SHISA5: variants seen among roughly 807,000 people sequenced by gnomAD.
The protein encoded by SHISA5 is protein shisa-5.
Under a neutral mutation model 27.5 loss-of-function variants are expected in SHISA5, and 21 were observed. That is an observed-to-expected ratio of 0.76 (90% CI 0.54 to 1.10). SHISA5 has a LOEUF of 1.10. Ranked by LOEUF, SHISA5 falls within the 50% of genes least tolerant of loss-of-function variation. The pLI is 0.00. For synonymous variants in SHISA5, 137 were observed against 142.2 expected (o/e 0.96, Z 0.26); for missense variants, 314 against 336.3 (o/e 0.93, Z 0.52).
At chr3:48,481,242 C>T (rs979577768) in intron 2 of SHISA5, among the ~76,000 whole-genome samples, 1 of 151,616 alleles carries the variant, frequency 6.6e-6, no homozygotes, top group Non-Finnish European at 1.5e-5. Flanking sequence ...AGTACAAGAC[C>T]AGCCTGGCCA....
chr3:48,504,000 GC>G lies in SHISA5; in HGVS notation c.76+18del. ...GCCCGGTCCCAGGGCAGGACGGGCC[GC>G]CCCCACCCCCGGCTCACCACCCGGA... On this transcript the variant is annotated intron_variant, in intron 1 of 5. Coordinates refer to ENST00000296444, the MANE Select transcript of SHISA5 (RefSeq NM_016479.6). The G allele has an allele frequency of 1.4e-6, 2 of 1,459,198 alleles. No homozygotes were observed. 90.4% of individuals were successfully genotyped at this position (1,459,198 alleles called of 1,614,324 possible). A position where few individuals can be genotyped will look rare whatever the true frequency, so the allele number is the denominator to read the frequency against.
Position 48,469,007 on chromosome 3 carries a change from GACAC to G in SHISA5, c.*96_*99del, listed in dbSNP as rs751805693. 5 of 1,585,852 alleles carry G rather than the reference GACAC, an allele frequency of 3.2e-6. No homozygotes were observed. The highest frequency in any genetic ancestry group is 2.2e-5 in the East Asian group (1 of 44,824). ...CATGGGGCGTAAGGAACCGTGCCTG[GACAC>G]ACACAGCACACATGGGGCGTAAGGA... On this transcript the variant is annotated 3_prime_UTR_variant, in exon 6 of 6. Coordinates refer to ENST00000296444, the MANE Select transcript of SHISA5 (RefSeq NM_016479.6). The surrounding 1 kb of genome is among the most constrained non-coding windows in gnomAD (Gnocchi z 4.6).
chr3:48,477,956 G>A (rs1013053369), intron 3 of SHISA5, among the ~76,000 whole-genome samples: 3 of 152,202 alleles, frequency 2.0e-5, no homozygotes, highest in African/African-American at 7.2e-5. Context: ...CACCCCATCT[G>A]CTCTTTCCAT....
At chr3:48,481,119 T>C (rs1036424913) in intron 2 of SHISA5, among the ~76,000 whole-genome samples, 15 of 151,358 alleles carry the variant, frequency 9.9e-5, no homozygotes, top group African/African-American at 2.9e-4. Context: ...AATAAATAAA[T>C]AAATAAATAA....
chr3:48,485,349 G>A (rs1023459655), intron 2 of SHISA5, among the ~76,000 whole-genome samples: 1 of 151,178 alleles, frequency 6.6e-6, no homozygotes, highest in African/African-American at 2.4e-5. Context: ...TACAAAATTA[G>A]CCAAGCGTGG....
At chr3:48,482,880 A>G (rs987131913) in intron 2 of SHISA5, among the ~76,000 whole-genome samples, 2 of 151,996 alleles carry the variant, frequency 1.3e-5, no homozygotes, top group African/African-American at 4.8e-5. Flanking sequence ...TGATCCACCC[A>G]TCTTGGCCTC....
chr3:48,483,396 G>T (rs1431106246), intron 2 of SHISA5, among the ~76,000 whole-genome samples: 1 of 152,088 alleles, frequency 6.6e-6, no homozygotes, highest in African/African-American at 2.4e-5. Flanking sequence ...AGAGAGCACA[G>T]GGTTGGGGGT....
intron 2 of SHISA5, among the ~76,000 whole-genome samples, chr3:48,483,757 G>T (rs1176563422): frequency 0.19 from 4,752 of 25,584 alleles, 3 homozygotes; most frequent in South Asian, 0.25. Context: ...GCGGCTGGCC[G>T]GGCGGGGGGC....
chr3:48,502,689 C>A, intron 1 of SHISA5: 1 of 327,278 alleles, frequency 3.1e-6, no homozygotes, highest in Non-Finnish European at 6.1e-6. Flanking sequence ...AGGAACAGTA[C>A]CGGATTCTGC....
chr3:48,498,688 A>AG (rs1473157277), intron 2 of SHISA5, among the ~76,000 whole-genome samples: 1 of 142,648 alleles, frequency 7.0e-6, no homozygotes, highest in Non-Finnish European at 1.5e-5. Flanking sequence ...GTCTCCAGAA[A>AG]GAAAAAAAAA....
intron 2 of SHISA5, among the ~76,000 whole-genome samples, chr3:48,499,181 A>T (rs13062576): frequency 0.13 from 19,004 of 151,906 alleles, 2,599 homozygotes; most frequent in African/African-American, 0.34. Context: ...TTAATTAATT[A>T]ATTTATTTTT....
intron 3 of SHISA5, 105 bp downstream of exon 3, chr3:48,479,072 C>A (rs960318933): frequency 9.7e-7 from 1 of 1,035,148 alleles, no homozygotes; most frequent in Non-Finnish European, 1.4e-6. Flanking sequence ...TTGGGCTCCA[C>A]CCCAATGACC....
intron 3 of SHISA5, among the ~76,000 whole-genome samples, chr3:48,471,949 G>A (rs916480815): frequency 1.3e-5 from 2 of 150,660 alleles, no homozygotes; most frequent in African/African-American, 2.4e-5. Context: ...TCTAGAGGCC[G>A]AAGTGGGCGG....
chr3:48,497,240 G>A (rs909507237), intron 2 of SHISA5, among the ~76,000 whole-genome samples: 2 of 150,472 alleles, frequency 1.3e-5, no homozygotes, highest in Admixed American at 6.6e-5. Context: ...TGGGGTTAAC[G>A]GTCTTAAGGC....
intron 2 of SHISA5, among the ~76,000 whole-genome samples, chr3:48,488,571 C>T (rs1319744124): frequency 6.8e-6 from 1 of 147,390 alleles, no homozygotes; most frequent in Non-Finnish European, 1.5e-5. Context: ...CGGTGGCTCA[C>T]GCCTGTAATC....
chr3:48,472,993 A>C, intron 3 of SHISA5: 1 of 1,535,446 alleles, frequency 6.5e-7, no homozygotes, highest in Non-Finnish European at 8.7e-7. Context: ...CACACGCAGC[A>C]TGGCGCCCAA....
intron 2 of SHISA5, among the ~76,000 whole-genome samples, chr3:48,485,520 T>C (rs2041177207): frequency 1.4e-5 from 2 of 138,360 alleles, no homozygotes; most frequent in South Asian, 4.3e-4. Context: ...TATATTTTTA[T>C]ATATATATTA....
chr3:48,469,761 A>G lies in SHISA5; in HGVS notation c.397T>C (p.Cys133Arg). ...TIIICFTCSC[C>R]CLYKTCRRPR... ...CGGCGGCACGTCTTGTAAAGGCAGC[A>G]GCAGGAGCAGGTGAAGCAGATGATG... Residue 133 changes from cysteine to arginine, a missense_variant, in exon 4 of 6, where the codon TGC (cysteine) becomes CGC (arginine). Coordinates refer to ENST00000296444, the MANE Select transcript of SHISA5 (RefSeq NM_016479.6). The surrounding 1 kb of genome is among the most constrained non-coding windows in gnomAD (Gnocchi z 4.6). The G allele has an allele frequency of 6.2e-7, 1 of 1,614,138 alleles. No individual in the cohort carries two copies. Among genetic ancestry groups the G allele is most frequent in the Non-Finnish European group, 8.5e-7 (1 of 1,180,002 alleles).
intron 2 of SHISA5, among the ~76,000 whole-genome samples, chr3:48,495,786 G>T (rs1470034594): frequency 3.4e-5 from 5 of 147,402 alleles, no homozygotes; most frequent in Non-Finnish European, 7.4e-5. Context: ...CTTCCAAAGT[G>T]TTGGGATTAC....
Sources: gnomAD v4.1 joint callset for allele counts (sites outside exome capture counted in the v4.1 genomes callset) on GRCh38, gnomAD v4.1.1 for gene constraint, Gnocchi (gnomAD v3.1) non-coding constraint, MANE v1.5 for transcripts, NCBI Gene and HGNC (gene_info 2026-07-23, HGNC 2026-07-21) for gene names.